Variants in LRRTM4 observed in about 807,000 individuals in gnomAD.
The protein encoded by LRRTM4 is leucine-rich repeat transmembrane neuronal protein 4.
In LRRTM4, 25 loss-of-function variants were observed where a neutral mutation model predicts 47.6. The observed-to-expected ratio is 0.53, with a 90% CI of 0.38 to 0.73. The LOEUF (loss-of-function observed/expected upper bound fraction) is 0.73, where lower values mean the gene tolerates loss of function less well. Among genes scored for constraint, LRRTM4 ranks in the 30% least tolerant of loss-of-function variants. The pLI, the probability that LRRTM4 is intolerant of heterozygous loss-of-function variation, is 0.00. For synonymous variants in LRRTM4, 311 were observed against 269.5 expected (o/e 1.15, Z -1.51); for missense variants, 638 against 713.4 (o/e 0.89, Z 1.20).
chr2:77,386,082 A>T (rs982299395), intron 3 of LRRTM4, among the ~76,000 whole-genome samples: 23 of 152,030 alleles, frequency 1.5e-4, no homozygotes, highest in East Asian at 1.4e-3. Context: ...AGCAGTTCTG[A>T]AATAAACCAA....
intron 3 of LRRTM4, among the ~76,000 whole-genome samples, chr2:77,358,338 T>G (rs1347228607): frequency 6.6e-6 from 1 of 152,102 alleles, no homozygotes; most frequent in Non-Finnish European, 1.5e-5. Flanking sequence ...CATCCTGGCT[T>G]TATAACAATC....
At chr2:77,098,517 T>A (rs1383418154) in intron 3 of LRRTM4, among the ~76,000 whole-genome samples, 1 of 152,018 alleles carries the variant, frequency 6.6e-6, no homozygotes, top group Non-Finnish European at 1.5e-5. Flanking sequence ...GTTAAAAACC[T>A]AAATATAAAA....
intron 3 of LRRTM4, among the ~76,000 whole-genome samples, chr2:76,856,006 G>A (rs974508817): frequency 2.0e-5 from 3 of 152,220 alleles, no homozygotes; most frequent in African/African-American, 7.2e-5. Flanking sequence ...GCCAGAAGTG[G>A]TGGCTCATGC....
At chr2:77,143,083 T>C (rs111385128) in intron 3 of LRRTM4, among the ~76,000 whole-genome samples, 10 of 152,328 alleles carry the variant, frequency 6.6e-5, no homozygotes, top group Non-Finnish European at 1.2e-4. Flanking sequence ...CAAATGCTTA[T>C]CTGTATTATG....
intron 3 of LRRTM4, among the ~76,000 whole-genome samples, chr2:76,916,384 C>CA (rs57874749): frequency 0.067 from 3,547 of 52,964 alleles, 369 homozygotes; most frequent in African/African-American, 0.13. Flanking sequence ...GACTGTGTCT[C>CA]AAAAAAAAAA....
intron 3 of LRRTM4, among the ~76,000 whole-genome samples, chr2:77,015,048 T>A (rs1304937931): frequency 1.3e-5 from 2 of 151,896 alleles, no homozygotes; most frequent in African/African-American, 4.8e-5. Context: ...ATGGGGAGAG[T>A]AGCCTGGATA....
intron 3 of LRRTM4, among the ~76,000 whole-genome samples, chr2:77,224,594 A>C (rs894523876): frequency 3.9e-5 from 6 of 152,236 alleles, no homozygotes; most frequent in Non-Finnish European, 8.8e-5. Context: ...TTATGCAGCC[A>C]AAAAACACAT....
At chr2:77,141,127 T>C (rs1239950270) in intron 3 of LRRTM4, among the ~76,000 whole-genome samples, 1 of 152,186 alleles carries the variant, frequency 6.6e-6, no homozygotes, top group South Asian at 2.1e-4. Flanking sequence ...ACTGGGTATA[T>C]ACCCAAAGGA....
intron 3 of LRRTM4, among the ~76,000 whole-genome samples, chr2:77,045,755 T>C (rs1679212734): frequency 6.6e-6 from 1 of 151,778 alleles, no homozygotes; most frequent in Admixed American, 6.6e-5. Flanking sequence ...GTCCAATTAA[T>C]TTTTTTTCTT....
chr2:76,806,587 A>AT (rs988482288), intron 3 of LRRTM4, among the ~76,000 whole-genome samples: 3 of 137,906 alleles, frequency 2.2e-5, no homozygotes, highest in East Asian at 2.7e-4. Context: ...GTCTCAAAAC[A>AT]TTTTTTTTAA....
At chr2:77,083,942 C>G (rs1044775805) in intron 3 of LRRTM4, among the ~76,000 whole-genome samples, 2 of 150,820 alleles carry the variant, frequency 1.3e-5, no homozygotes, top group African/African-American at 4.9e-5. Context: ...GTAGCTGGGA[C>G]TACAGGCGCC....
At chr2:77,100,364 G>T (rs929725332) in intron 3 of LRRTM4, among the ~76,000 whole-genome samples, 1 of 152,102 alleles carries the variant, frequency 6.6e-6, no homozygotes, top group African/African-American at 2.4e-5. Flanking sequence ...CAACATAATA[G>T]GAAATAGCAT....
At chr2:77,465,355 T>C (rs1398299016) in intron 3 of LRRTM4, among the ~76,000 whole-genome samples, 1 of 152,168 alleles carries the variant, frequency 6.6e-6, no homozygotes, top group East Asian at 1.9e-4. Flanking sequence ...TCTGAGAAGA[T>C]TGTGTGAAAT....
chr2:77,297,623 G>A (rs1978919), intron 3 of LRRTM4, among the ~76,000 whole-genome samples: 16,048 of 152,126 alleles, frequency 0.11, 1,698 homozygotes, highest in African/African-American at 0.26. Context: ...TTACACCATG[G>A]GGTTCTTCTC....
At chr2:77,264,949 TTTTA>T (rs1333082330) in intron 3 of LRRTM4, among the ~76,000 whole-genome samples, 5 of 152,078 alleles carry the variant, frequency 3.3e-5, no homozygotes, top group African/African-American at 1.2e-4. Flanking sequence ...GCAGTGTCAT[TTTTA>T]TTTGTTTTCA....
chr2:77,324,647 G>C (rs1320383463), intron 3 of LRRTM4, among the ~76,000 whole-genome samples: 6 of 152,112 alleles, frequency 3.9e-5, no homozygotes, highest in Non-Finnish European at 7.4e-5. Context: ...GAATTTATAT[G>C]GTTAGTGAAG....
chr2:77,472,971 T>A (rs540070264), intron 3 of LRRTM4, among the ~76,000 whole-genome samples: 2 of 152,178 alleles, frequency 1.3e-5, no homozygotes, highest in Admixed American at 6.6e-5. Flanking sequence ...AATTGTGATA[T>A]AAGGATCTAT....
chr2:77,069,605 G>C (rs1448661277), intron 3 of LRRTM4, among the ~76,000 whole-genome samples: 1 of 151,992 alleles, frequency 6.6e-6, no homozygotes, highest in East Asian at 1.9e-4. Context: ...ACTTCGTGGG[G>C]GTAATGTTGG....
chr2:77,112,436 C>T (rs1339111816), intron 3 of LRRTM4, among the ~76,000 whole-genome samples: 2 of 152,136 alleles, frequency 1.3e-5, no homozygotes. Flanking sequence ...TAATACATCT[C>T]TAGGCATGGG....
Sources: allele counts gnomAD v4.1 joint callset (sites outside exome capture counted in the v4.1 genomes callset), GRCh38; gene constraint gnomAD v4.1.1; transcripts MANE v1.5; gene names NCBI Gene and HGNC (gene_info 2026-07-23, HGNC 2026-07-21).